ANKS1B: variants seen among roughly 807,000 people sequenced by gnomAD.
ANKS1B encodes the protein ankyrin repeat and sterile alpha motif domain-containing protein 1B.
ANKS1B carries 36 observed loss-of-function variants against 148.3 expected under a neutral mutation model. The observed-to-expected ratio is 0.24, with a 90% CI of 0.19 to 0.32. The LOEUF (loss-of-function observed/expected upper bound fraction) is 0.32. Among genes scored for constraint, ANKS1B ranks in the 10% least tolerant of loss-of-function variants. ANKS1B has a pLI of 1.00. For missense variants in ANKS1B, 1,157 were observed against 1,542.6 expected, an observed-to-expected ratio of 0.75 and a Z score of 4.19; for synonymous variants, 542 against 560.8, an observed-to-expected ratio of 0.97 and a Z score of 0.47.
chr12:99,662,791 C>G (rs1172198045), intron 8 of ANKS1B, among the ~76,000 whole-genome samples: 1 of 152,084 alleles, frequency 6.6e-6, no homozygotes, highest in Non-Finnish European at 1.5e-5. Flanking sequence ...TAACTCCTCC[C>G]CCTCCCCTAT....
intron 15 of ANKS1B, among the ~76,000 whole-genome samples, chr12:99,146,677 A>C (rs762810057): frequency 2.6e-5 from 4 of 152,118 alleles, no homozygotes; most frequent in Non-Finnish European, 4.4e-5. Flanking sequence ...AGGCCTTCAG[A>C]AACCCTTCAT....
At chr12:98,852,465 T>C (rs2099534727) in intron 17 of ANKS1B, among the ~76,000 whole-genome samples, 2 of 151,960 alleles carry the variant, frequency 1.3e-5, no homozygotes, top group African/African-American at 4.8e-5. Flanking sequence ...AAGAACAGGG[T>C]TGGCAGGGAA....
chr12:99,204,616 G>T (rs1473942582), intron 14 of ANKS1B, among the ~76,000 whole-genome samples: 1 of 152,196 alleles, frequency 6.6e-6, no homozygotes, highest in Non-Finnish European at 1.5e-5. Flanking sequence ...GCAGGCGTGT[G>T]CTTGAATGGT....
chr12:99,983,121 C>T (rs1433118215), intron 1 of ANKS1B, among the ~76,000 whole-genome samples: 1 of 152,034 alleles, frequency 6.6e-6, no homozygotes, highest in Non-Finnish European at 1.5e-5. Flanking sequence ...TGTTTTAAGG[C>T]GAAGATATGA....
chr12:99,953,482 A>T (rs1206477175), intron 1 of ANKS1B, among the ~76,000 whole-genome samples: 1 of 152,084 alleles, frequency 6.6e-6, no homozygotes, highest in Non-Finnish European at 1.5e-5. Context: ...TTTTTTCCCC[A>T]ATAATCTGGT....
At chr12:98,781,626 AC>A (rs937136552) in intron 23 of ANKS1B, 8 of 352,468 alleles carry the variant, frequency 2.3e-5, no homozygotes, top group Non-Finnish European at 3.3e-5. Context: ...AAATATATGC[AC>A]CCCCCCTTTT....
At chr12:99,795,896 T>C (rs1232962276) in intron 4 of ANKS1B, among the ~76,000 whole-genome samples, 1 of 152,056 alleles carries the variant, frequency 6.6e-6, no homozygotes, top group East Asian at 1.9e-4. Flanking sequence ...GCAAAACTAG[T>C]ACAAATTTCT....
At chr12:98,964,014 C>T (rs2099875677) in intron 17 of ANKS1B, among the ~76,000 whole-genome samples, 2 of 152,058 alleles carry the variant, frequency 1.3e-5, no homozygotes, top group South Asian at 4.2e-4. Context: ...AAGAGAATTG[C>T]TTGAACCTGG....
chr12:99,484,768 T>G (rs1356268971), intron 10 of ANKS1B, among the ~76,000 whole-genome samples: 1 of 148,942 alleles, frequency 6.7e-6, no homozygotes, highest in African/African-American at 2.5e-5. Flanking sequence ...GTGTGTGTTT[T>G]TTTTTTTTTT....
chr12:99,339,320 T>G (rs2089509431), intron 12 of ANKS1B, among the ~76,000 whole-genome samples: 1 of 152,164 alleles, frequency 6.6e-6, no homozygotes, highest in African/African-American at 2.4e-5. Flanking sequence ...TTAGTTGCAA[T>G]GCAAAGTCCA....
chr12:99,708,253 A>G (rs1308292049), intron 8 of ANKS1B, among the ~76,000 whole-genome samples: 1 of 152,094 alleles, frequency 6.6e-6, no homozygotes, highest in African/African-American at 2.4e-5. Context: ...CTCTTTAATG[A>G]CCCGATGTCA....
intron 3 of ANKS1B, among the ~76,000 whole-genome samples, chr12:99,807,541 A>G (rs2067789969): frequency 6.6e-6 from 1 of 152,172 alleles, no homozygotes; most frequent in East Asian, 1.9e-4. Context: ...TTAGTAACAA[A>G]AATGCAATAA....
chr12:99,951,439 A>G (rs959231006), intron 1 of ANKS1B, among the ~76,000 whole-genome samples: 1 of 152,232 alleles, frequency 6.6e-6, no homozygotes, highest in African/African-American at 2.4e-5. Context: ...ACATAAAACA[A>G]TAGCCATTCA....
At chr12:99,800,441 CAA>C (rs138056927) in intron 4 of ANKS1B, among the ~76,000 whole-genome samples, 975 of 86,734 alleles carry the variant, frequency 0.011, 5 homozygotes, top group Non-Finnish European at 0.016. Context: ...ATACAGAAGC[CAA>C]AAAAAAAAAA....
At chr12:98,999,671 CT>C (rs2153357865) in intron 17 of ANKS1B, among the ~76,000 whole-genome samples, 1 of 152,246 alleles carries the variant, frequency 6.6e-6, no homozygotes, top group African/African-American at 2.4e-5. Flanking sequence ...CTATTCTAAC[CT>C]AAGAGCTGGT....
chr12:99,308,553 A>G (rs1468328471), intron 12 of ANKS1B, among the ~76,000 whole-genome samples: 1 of 151,936 alleles, frequency 6.6e-6, no homozygotes, highest in Non-Finnish European at 1.5e-5. Context: ...GTTTCATAAG[A>G]TTTGATAGCT....
chr12:98,919,791 G>A (rs1212939807), intron 17 of ANKS1B, among the ~76,000 whole-genome samples: 1 of 152,092 alleles, frequency 6.6e-6, no homozygotes, highest in Non-Finnish European at 1.5e-5. Flanking sequence ...TGTGTGGTTG[G>A]TGAAGTACTT....
Position 98,968,924 on chromosome 12 carries a change from T to C in ANKS1B, c.2778+84233A>G, listed in dbSNP as rs1188514936. Among the ~76,000 whole-genome samples, 10 of 152,298 alleles carry C rather than the reference T, an allele frequency of 6.6e-5. No individual in the cohort carries two copies. The East Asian group carries it at 9.7e-4, about 15-fold the overall frequency. On this transcript the variant is annotated intron_variant, in intron 17 of 26. Coordinates refer to ENST00000683438, the MANE Select transcript of ANKS1B (RefSeq NM_001352186.2). ...GCAGTGTTTGGGCACAGTAGAGATA[T>C]GTTAATAAAATTGAATAATGTCTCT...
chr12:99,443,515 A>G (rs1261971513), intron 11 of ANKS1B, among the ~76,000 whole-genome samples, 158 bp downstream of exon 11: 2 of 151,982 alleles, frequency 1.3e-5, no homozygotes, highest in African/African-American at 4.8e-5. Flanking sequence ...ACCAACTTGA[A>G]AGGAAGCAAA....
Sources: allele counts gnomAD v4.1 joint callset (sites outside exome capture counted in the v4.1 genomes callset), GRCh38; gene constraint gnomAD v4.1.1; transcripts MANE v1.5; gene names NCBI Gene and HGNC (gene_info 2026-07-23, HGNC 2026-07-21).